Variants in PDE7B observed in about 807,000 individuals in gnomAD.
PDE7B encodes 3',5'-cyclic-AMP phosphodiesterase 7B.
PDE7B carries 29 observed loss-of-function variants against 56.2 expected under a neutral mutation model. That is an observed-to-expected ratio of 0.52 (90% CI 0.38 to 0.70). The LOEUF is 0.70. Among genes scored for constraint, PDE7B ranks in the 30% least tolerant of loss-of-function variants. The pLI is 0.00. For synonymous variants in PDE7B, 197 were observed against 196.9 expected (o/e 1.00, Z 0.00); for missense variants, 490 against 565.0 (o/e 0.87, Z 1.35).
At chr6:135,919,249 G>T (rs775339715) in intron 1 of PDE7B, among the ~76,000 whole-genome samples, 5 of 152,104 alleles carry the variant, frequency 3.3e-5, no homozygotes, top group Non-Finnish European at 7.4e-5. Flanking sequence ...AGTTTCAATG[G>T]AAAAATAAGG....
At chr6:135,986,832 T>C (rs569807545) in intron 2 of PDE7B, among the ~76,000 whole-genome samples, 1 of 152,350 alleles carries the variant, frequency 6.6e-6, no homozygotes, top group African/African-American at 2.4e-5. Context: ...TCTGATGAAA[T>C]GGATCACAAT....
intron 2 of PDE7B, among the ~76,000 whole-genome samples, chr6:135,954,100 T>C (rs1298904991): frequency 6.6e-6 from 1 of 152,184 alleles, no homozygotes; most frequent in Non-Finnish European, 1.5e-5. Flanking sequence ...CAAGGCCCTG[T>C]CTTGTTTCAC....
intron 2 of PDE7B, among the ~76,000 whole-genome samples, chr6:136,008,727 G>T (rs1444442728): frequency 1.3e-5 from 2 of 152,148 alleles, no homozygotes; most frequent in Admixed American, 1.3e-4. Flanking sequence ...GTAGATTCTG[G>T]ATATTAGCCC....
rs930805848 is a variant in PDE7B, at chr6:135,851,724, G to A, written c.-275G>A. The stretch of plus-strand genomic sequence containing the variant: ...TCAGTTGGTCTGGGCACTGCAGCAG[G>A]CTCGGCTCTGTCCCAGCACTTGTCT... On this transcript the variant is annotated 5_prime_UTR_variant, in exon 1 of 13. Transcript: ENST00000308191. The A allele has an allele frequency of 7.5e-6, 3 of 401,318 alleles. No individual in the cohort carries two copies. Among genetic ancestry groups the A allele is most frequent in the African/African-American group, 4.1e-5 (2 of 48,998 alleles). The allele number at this position is 401,318 out of a possible 1,614,324, so 24.9% of individuals were successfully genotyped here.
intron 3 of PDE7B, among the ~76,000 whole-genome samples, chr6:136,120,376 G>T (rs904188766): frequency 6.6e-6 from 1 of 152,128 alleles, no homozygotes; most frequent in Non-Finnish European, 1.5e-5. Flanking sequence ...AGGTTGTTTT[G>T]TTTTGTTTTT....
intron 2 of PDE7B, among the ~76,000 whole-genome samples, chr6:135,962,029 A>G (rs1774911630): frequency 6.6e-6 from 1 of 152,180 alleles, no homozygotes; most frequent in South Asian, 2.1e-4. Flanking sequence ...TTCATCAATT[A>G]TAACAAATGG....
At chr6:136,024,947 A>G (rs1776126279) in intron 2 of PDE7B, among the ~76,000 whole-genome samples, 1 of 152,178 alleles carries the variant, frequency 6.6e-6, no homozygotes, top group Non-Finnish European at 1.5e-5. Flanking sequence ...TCTGTTTTCT[A>G]CGACCAATCT....
chr6:136,033,311 T>C (rs1465264505), intron 2 of PDE7B, among the ~76,000 whole-genome samples: 1 of 152,230 alleles, frequency 6.6e-6, no homozygotes, highest in Non-Finnish European at 1.5e-5. Flanking sequence ...AGTTAAGATC[T>C]TTAACAGCTA....
chr6:136,158,386 C>T (rs941863906), intron 8 of PDE7B, among the ~76,000 whole-genome samples: 3 of 152,142 alleles, frequency 2.0e-5, no homozygotes, highest in Non-Finnish European at 4.4e-5. Flanking sequence ...TGCATGCGCA[C>T]ATGCACATTT....
At chr6:136,006,261 C>T (rs992910734) in intron 2 of PDE7B, among the ~76,000 whole-genome samples, 8 of 149,266 alleles carry the variant, frequency 5.4e-5, no homozygotes, top group African/African-American at 1.2e-4. Context: ...TGCTAAATGA[C>T]GAGTTAATGG....
chr6:136,178,909 C>A, intron 9 of PDE7B, 88 bp from the exon 10 acceptor site: 2 of 1,383,644 alleles, frequency 1.4e-6, no homozygotes, highest in Non-Finnish European at 1.0e-6. Context: ...AATTAGATTA[C>A]AAGCCACCTG....
Position 136,153,733 on chromosome 6 carries a change from T to C in PDE7B, c.479-342T>C, listed in dbSNP as rs540640588. On this transcript the variant is annotated intron_variant, in intron 6 of 12. Transcript: ENST00000308191. The stretch of plus-strand genomic sequence containing the variant: ...AAACAGCAGAAACTCAATTAAACTA[T>C]AGTGTGAGATAAAGTTGTGCTTTTC... Among the ~76,000 whole-genome samples, 69 of 152,294 alleles carry C rather than the reference T, an allele frequency of 4.5e-4. No homozygotes were observed. The South Asian group carries it at 0.013, about 28-fold the overall frequency.
rs553786960 is a variant in PDE7B, at chr6:136,030,816, A to G, written c.83-77915A>G. Among the ~76,000 whole-genome samples the G allele has an allele frequency of 9.8e-4, 149 of 152,226 alleles. 1 individual carries two copies. The highest frequency in any genetic ancestry group is 1.7e-3 in the Non-Finnish European group (113 of 68,036). The stretch of plus-strand genomic sequence containing the variant: ...AGGGGTGCAACAAAATGCTGGAAAG[A>G]AGGAGTCATGGAGAAACTGGCCTAA... On this transcript the variant is annotated intron_variant, in intron 2 of 12. Transcript: ENST00000308191.
At chr6:136,067,729 CA>C (rs1776969965) in intron 2 of PDE7B, among the ~76,000 whole-genome samples, 1 of 152,100 alleles carries the variant, frequency 6.6e-6, no homozygotes, top group South Asian at 2.1e-4. Context: ...AGGTGTTTTT[CA>C]AGTGCTGGAA....
intron 3 of PDE7B, among the ~76,000 whole-genome samples, chr6:136,125,266 T>C (rs1221274941): frequency 6.6e-6 from 1 of 152,152 alleles, no homozygotes; most frequent in African/African-American, 2.4e-5. Context: ...TTGATACTAA[T>C]TTTATATAAG....
At chr6:136,164,475 A>C (rs1778762006) in intron 8 of PDE7B, among the ~76,000 whole-genome samples, 1 of 151,590 alleles carries the variant, frequency 6.6e-6, no homozygotes, top group Non-Finnish European at 1.5e-5. Flanking sequence ...GTCTCCTGTA[A>C]CTGAGATATG....
At chr6:135,926,398 T>C (rs1400935074) in intron 1 of PDE7B, among the ~76,000 whole-genome samples, 3 of 152,062 alleles carry the variant, frequency 2.0e-5, no homozygotes. Context: ...ACCTCTGTAT[T>C]TTTTATGAAA....
In PDE7B at chr6:135,885,056, G is replaced by A. The variant is rs370833498; in HGVS notation, c.21+33037G>A. 3.9e-5 allele frequency among the ~76,000 whole-genome samples: 6 copies of A among 152,166 alleles called. No homozygotes were observed. In the East Asian group the frequency reaches 7.7e-4, roughly 20 times the overall value. On this transcript the variant is annotated intron_variant, in intron 1 of 12. Coordinates refer to ENST00000308191, the MANE Select transcript of PDE7B (RefSeq NM_018945.4). ...CTTAACTTGTGTAGAACCTGATTCA[G>A]GGTCTTCTGAAGCCCTGATCCAACC...
intron 11 of PDE7B, among the ~76,000 whole-genome samples, chr6:136,184,762 G>A (rs1257847531): frequency 6.6e-6 from 1 of 152,176 alleles, no homozygotes; most frequent in African/African-American, 2.4e-5. Context: ...AGTGGAAGAA[G>A]AATTGGAGGA....
Sources: allele counts gnomAD v4.1 joint callset (sites outside exome capture counted in the v4.1 genomes callset), GRCh38; gene constraint gnomAD v4.1.1; transcripts MANE v1.5; gene names NCBI Gene and HGNC (gene_info 2026-07-23, HGNC 2026-07-21).